The following SHPRH variants were observed in gnomAD, a reference collection of about 807,000 sequenced individuals.
SHPRH encodes SNF2 histone linker PHD RING helicase.
SHPRH carries 106 observed loss-of-function variants against 202.5 expected under a neutral mutation model. The ratio of observed to expected loss-of-function variants is 0.52; its 90% CI spans 0.45 to 0.62. The LOEUF (loss-of-function observed/expected upper bound fraction) is 0.62. SHPRH is among the 20% of genes least tolerant of loss of function. The pLI is 0.00. For synonymous variants in SHPRH, 729 were observed against 686.0 expected (o/e 1.06, Z -0.98); for missense variants, 1,710 against 2,020.0 (o/e 0.85, Z 2.94).
chr6:145,865,946 A>T (rs1250541485), intron 2 of SHPRH, among the ~76,000 whole-genome samples: 3 of 152,258 alleles, frequency 2.0e-5, no homozygotes, highest in African/African-American at 7.2e-5. Context: ...ATTTGGTGTC[A>T]GAAAGTCTGA....
downstream of SHPRH, among the ~76,000 whole-genome samples, chr6:145,883,016 G>A (rs898398114): frequency 6.6e-6 from 1 of 152,220 alleles, no homozygotes; most frequent in African/African-American, 2.4e-5. Context: ...ATCTACGGGG[G>A]TGTGGAGCAT....
At chr6:145,859,606 A>G (rs980834604), downstream of SHPRH, among the ~76,000 whole-genome samples, 42 of 152,078 alleles carry the variant, frequency 2.8e-4, no homozygotes, top group African/African-American at 1.0e-3. Flanking sequence ...AACAGCAACC[A>G]TTGTAAAAGT....
At chr6:145,940,846 A>G (rs1348358256) in intron 10 of SHPRH, 45 bp from the exon 11 acceptor site, 1 of 1,595,246 alleles carries the variant, frequency 6.3e-7, no homozygotes, top group African/African-American at 1.3e-5. Context: ...CCAGAAAACC[A>G]CAGAAAGAAC....
chr6:145,929,743 T>G lies in SHPRH; in HGVS notation c.3113-2466A>C, dbSNP rs138649438. On this transcript the variant is annotated intron_variant, in intron 14 of 29. Transcript: ENST00000275233. ...CTAGGGAATGCCCTAGAGGGAAGAT[T>G]TGCACACAAAGTTACGTGTACTATA... 6.6e-5 allele frequency among the ~76,000 whole-genome samples: 10 copies of G among 152,102 alleles called. No homozygotes were observed. In the South Asian group the frequency reaches 2.1e-3, roughly 32 times the overall value.
intron 2 of SHPRH, among the ~76,000 whole-genome samples, chr6:145,866,006 C>G (rs542207478): frequency 6.6e-6 from 1 of 152,340 alleles, no homozygotes; most frequent in South Asian, 2.1e-4. Context: ...TGCATCCTTC[C>G]TCTGGTGATC....
At chr6:145,910,783 A>C (rs1294613180) in intron 24 of SHPRH, 147 bp from the exon 25 acceptor site, 6 of 769,672 alleles carry the variant, frequency 7.8e-6, no homozygotes, top group African/African-American at 1.8e-5. Flanking sequence ...CCTTCAAATT[A>C]ATTTTTTATT....
rs1781004970 is a variant in SHPRH, at chr6:145,886,361, C to T, written c.*330G>A. 1.4e-5 allele frequency: 9 copies of T among 632,712 alleles called. No individual in the cohort carries two copies. The highest frequency in any genetic ancestry group is 1.1e-4 in the South Asian group (6 of 55,264). The allele number at this position is 632,712 out of a possible 1,614,324, so 39.2% of individuals were successfully genotyped here. On this transcript the variant is annotated 3_prime_UTR_variant, in exon 30 of 30. Transcript: ENST00000275233. ...ACTAGACTAGTTTACTTTCTTATTC[C>T]AACTGTTTTATGAGTGATCTTATCA...
At chr6:145,887,217 G>T (rs1781103920) in intron 29 of SHPRH, among the ~76,000 whole-genome samples, 1 of 152,084 alleles carries the variant, frequency 6.6e-6, no homozygotes, top group African/African-American at 2.4e-5. Flanking sequence ...TCATGTTTTA[G>T]GTAAAAAGGC....
chr6:145,907,578 T>C (rs1443703497), intron 25 of SHPRH: 2 of 152,112 alleles, frequency 1.3e-5, no homozygotes, highest in Non-Finnish European at 2.9e-5. Context: ...ATTCAACTGC[T>C]TTCTCCTTGC....
At chr6:145,895,183 C>T (rs1781906509) in intron 25 of SHPRH, among the ~76,000 whole-genome samples, 1 of 151,848 alleles carries the variant, frequency 6.6e-6, no homozygotes, top group Admixed American at 6.6e-5. Context: ...AAATTTACAC[C>T]CAGACATTTG....
At chr6:145,945,747 A>T in intron 7 of SHPRH, 110 bp from the exon 8 acceptor site, 3 of 1,197,604 alleles carry the variant, frequency 2.5e-6, no homozygotes, top group Non-Finnish European at 3.3e-6. Flanking sequence ...GAAATAAATC[A>T]AAGATTTATT....
intron 2 of SHPRH, among the ~76,000 whole-genome samples, chr6:145,875,595 G>A (rs1299300797): frequency 6.6e-6 from 1 of 152,184 alleles, no homozygotes; most frequent in Non-Finnish European, 1.5e-5. Context: ...TATGTGAGTT[G>A]GAAGACCATT....
intron 17 of SHPRH, among the ~76,000 whole-genome samples, 182 bp downstream of exon 17, chr6:145,924,557 T>C (rs1212694831): frequency 6.6e-6 from 1 of 151,912 alleles, no homozygotes; most frequent in Non-Finnish European, 1.5e-5. Flanking sequence ...TATGCATCTG[T>C]TCACTCAACC....
chr6:145,949,997 T>G (rs966603534), intron 4 of SHPRH, among the ~76,000 whole-genome samples: 6 of 152,092 alleles, frequency 3.9e-5, no homozygotes, highest in Non-Finnish European at 8.8e-5. Flanking sequence ...TAAAAAAAAT[T>G]TCTTGGTTTT....
intron 2 of SHPRH, among the ~76,000 whole-genome samples, chr6:145,878,892 G>A (rs1780426945): frequency 6.6e-6 from 1 of 152,118 alleles, no homozygotes; most frequent in African/African-American, 2.4e-5. Flanking sequence ...ATAAAATTTG[G>A]AGATAAAAGC....
chr6:145,913,666 A>G, intron 23 of SHPRH, 117 bp from the exon 24 acceptor site: 2 of 711,606 alleles, frequency 2.8e-6, no homozygotes, highest in Non-Finnish European at 4.5e-6. Context: ...ACATAATCTA[A>G]CAATTTAGAT....
chr6:145,887,533 G>GTTTTTTTTT (rs1220167063), intron 29 of SHPRH, among the ~76,000 whole-genome samples: 1 of 131,148 alleles, frequency 7.6e-6, no homozygotes, highest in Non-Finnish European at 1.6e-5. Context: ...TAACAAGTTT[G>GTTTTTTTTT]TTTTTTTTTT....
intron 4 of SHPRH, among the ~76,000 whole-genome samples, 190 bp downstream of exon 4, chr6:145,950,074 A>C (rs1787817881): frequency 6.6e-6 from 1 of 152,142 alleles, no homozygotes; most frequent in South Asian, 2.1e-4. Context: ...ACTTTTATGA[A>C]TGAAGAAACT....
intron 28 of SHPRH, among the ~76,000 whole-genome samples, chr6:145,891,831 G>A (rs946568854): frequency 6.6e-6 from 1 of 152,118 alleles, no homozygotes; most frequent in Admixed American, 6.6e-5. Flanking sequence ...TTTTGGACTC[G>A]TGGTTTTAAA....
Sources: allele counts gnomAD v4.1 joint callset (sites outside exome capture counted in the v4.1 genomes callset), GRCh38; gene constraint gnomAD v4.1.1; transcripts MANE v1.5; gene names NCBI Gene and HGNC (gene_info 2026-07-23, HGNC 2026-07-21).